The following NDE1 variants were observed in gnomAD, a reference collection of about 807,000 sequenced individuals.
NDE1 encodes the protein nudE neurodevelopment protein 1.
NDE1 carries 28 observed loss-of-function variants against 43.4 expected under a neutral mutation model. The ratio of observed to expected loss-of-function variants is 0.65; its 90% confidence interval spans 0.48 to 0.89. The LOEUF (loss-of-function observed/expected upper bound fraction) is 0.89, where lower values mean the gene tolerates loss of function less well. Among genes scored for constraint, NDE1 ranks in the 40% least tolerant of loss-of-function variants. The probability of loss-of-function intolerance (pLI) is 0.00; values close to 1 mark genes in which losing one functional copy is unlikely to be tolerated. For synonymous variants in NDE1, 184 were observed against 172.0 expected, an observed-to-expected ratio of 1.07 and a Z score of -0.55; for missense variants, 441 against 434.1, an observed-to-expected ratio of 1.02 and a Z score of -0.14.
At chr16:15,659,489 T>C (rs938669657) in intron 1 of NDE1, among the ~76,000 whole-genome samples, 1 of 125,872 alleles carries the variant, frequency 7.9e-6, no homozygotes, top group South Asian at 2.7e-4. Context: ...CAGGCTGGAG[T>C]GCAGTGGTGC....
At chr16:15,697,383 C>CA (rs1485741272) in intron 8 of NDE1, among the ~76,000 whole-genome samples, 1 of 152,106 alleles carries the variant, frequency 6.6e-6, no homozygotes, top group African/African-American at 2.4e-5. Flanking sequence ...AGCTGCTACT[C>CA]ACGGTTACAC....
chr16:15,683,072 C>G (rs543115203), intron 4 of NDE1, among the ~76,000 whole-genome samples: 1 of 151,872 alleles, frequency 6.6e-6, no homozygotes, highest in East Asian at 1.9e-4. Flanking sequence ...GTCTCAAACT[C>G]CTGGATTCAA....
At chr16:15,704,624 A>T (rs1348106722) in intron 8 of NDE1, among the ~76,000 whole-genome samples, 1 of 152,176 alleles carries the variant, frequency 6.6e-6, no homozygotes, top group Admixed American at 6.5e-5. Context: ...AATTGGAAGA[A>T]GGTGAAATGG....
chr16:15,658,863 G>A, intron 1 of NDE1, among the ~76,000 whole-genome samples: 1 of 152,022 alleles, frequency 6.6e-6, no homozygotes, highest in East Asian at 1.9e-4. Flanking sequence ...TACCATGTTG[G>A]CCAAGCTTGT....
intron 3 of NDE1, among the ~76,000 whole-genome samples, chr16:15,671,889 A>C (rs371820465): frequency 2.5e-3 from 377 of 151,824 alleles, no homozygotes; most frequent in African/African-American, 8.7e-3. Context: ...AGACGGGTTC[A>C]TGTGCCCATG....
rs765901795 is a variant in NDE1, at chr16:15,694,254, G to A, written c.793G>A (p.Gly265Arg). 3 of 1,613,360 alleles carry A rather than the reference G, an allele frequency of 1.9e-6. No individual in the cohort carries two copies. The highest frequency in any genetic ancestry group is 2.5e-6 in the Non-Finnish European group (3 of 1,179,830). The change falls in exon 7 of 9, where the codon GGG becomes AGG. Residue 265 changes from glycine (G) to arginine (R), a missense_variant and splice_region_variant. Physicochemically the swap from Gly to Arg is moderately radical, Grantham distance 125. Transcript: ENST00000396354. ...NIVGDLLRKVGALESKLASCR... is the reference protein window; with the variant it reads ...NIVGDLLRKVRALESKLASCR... ...TGTGGGAGACCTACTGCGGAAAGTC[G>A]GGGTAAGACCACACTTTCCTGGCGT...
intron 3 of NDE1, among the ~76,000 whole-genome samples, chr16:15,671,506 A>C (rs1334969614): frequency 6.6e-6 from 1 of 152,052 alleles, no homozygotes; most frequent in Non-Finnish European, 1.5e-5. Flanking sequence ...CAAAAGTTAA[A>C]AAATAAAAAA....
At chr16:15,659,397 G>A (rs921138218) in intron 1 of NDE1, among the ~76,000 whole-genome samples, 7 of 147,084 alleles carry the variant, frequency 4.8e-5, no homozygotes, top group African/African-American at 1.8e-4. Flanking sequence ...AAGTTCTCTT[G>A]AGGGAAGGAA....
intron 1 of NDE1, among the ~76,000 whole-genome samples, chr16:15,659,431 T>C: frequency 8.0e-6 from 1 of 124,522 alleles, no homozygotes; most frequent in Non-Finnish European, 1.7e-5. Context: ...CAATCTTTTT[T>C]TTTTTTTTTT....
intron 1 of NDE1, 148 bp from the exon 2 acceptor site, chr16:15,664,588 C>A: frequency 1.7e-6 from 1 of 589,122 alleles, no homozygotes; most frequent in East Asian, 2.9e-5. Context: ...ATCTCCTGAC[C>A]TCGTGATCCG....
rs575726591 is a variant in NDE1, at chr16:15,710,790, GTC to G, written c.948-13398_948-13397del. On this transcript the variant is annotated intron_variant, in intron 8 of 8. Transcript: ENST00000396354. Reference sequence around the variant, plus strand: ...CTCCTGGGTTGCAAAGGAGTGTCCTGTCTCAGCCTCACGAGTAGCTGGGATTA... The same window carrying G: ...CTCCTGGGTTGCAAAGGAGTGTCCTGTCAGCCTCACGAGTAGCTGGGATTA... Among the ~76,000 whole-genome samples, 3 of 151,972 alleles carry G rather than the reference GTC, an allele frequency of 2.0e-5. No individual in the cohort carries two copies. In the South Asian group the frequency reaches 6.2e-4, roughly 32 times the overall value.
Position 15,677,801 on chromosome 16 carries a change from G to C in NDE1, c.238G>C (p.Glu80Gln). The C allele has an allele frequency of 6.2e-7, 1 of 1,614,112 alleles. No individual in the cohort carries two copies. Among genetic ancestry groups the C allele is most frequent in the Non-Finnish European group, 8.5e-7 (1 of 1,180,018 alleles). Residue 80 changes from glutamate (E) to glutamine (Q), a missense_variant and splice_region_variant, in exon 4 of 9, where the codon GAG (glutamate) becomes CAG (glutamine). Transcript: ENST00000396354. ...RLRMELETIK[E>Q]KFEVQHSEGY... ...ACTCAGTGTCTGTGTTGTCCTTCAG[G>C]AGAAGTTTGAAGTGCAGCACTCTGA...
rs958106417 is a variant in NDE1, at chr16:15,694,458, A to G, written c.795+202A>G. 3.7e-6 allele frequency: 5 copies of G among 1,366,870 alleles called. No individual in the cohort carries two copies. In the Middle Eastern group the frequency reaches 7.6e-4, roughly 209 times the overall value. 84.7% of individuals were successfully genotyped at this position (1,366,870 alleles called of 1,614,324 possible). On this transcript the variant is annotated intron_variant, in intron 7 of 8. Coordinates refer to ENST00000396354, the MANE Select transcript of NDE1 (RefSeq NM_017668.3). ...AATCCTGGGTTCAAGCGATCCTCTC[A>G]CCTTAGCTTCCCGAGGAGCTTGGAC...
At chr16:15,654,855 G>A (rs1827526967) in intron 1 of NDE1, among the ~76,000 whole-genome samples, 1 of 150,578 alleles carries the variant, frequency 6.6e-6, no homozygotes, top group Non-Finnish European at 1.5e-5. Context: ...ACAGCTTAAA[G>A]AAGATAATGT....
intron 7 of NDE1, among the ~76,000 whole-genome samples, chr16:15,695,203 C>CTTTTTTTTTTTT (rs71134451): frequency 3.4e-3 from 273 of 79,382 alleles, no homozygotes; most frequent in East Asian, 4.2e-3. Flanking sequence ...AAACTGCCAC[C>CTTTTTTTTTTTT]TTTTTTTTTT....
At chr16:15,710,622 C>G (rs2039727438) in intron 8 of NDE1, among the ~76,000 whole-genome samples, 1 of 151,820 alleles carries the variant, frequency 6.6e-6, no homozygotes, top group Non-Finnish European at 1.5e-5. Context: ...ATCGCTCAGC[C>G]CAGCCACTCA....
intron 1 of NDE1, among the ~76,000 whole-genome samples, chr16:15,651,051 C>T (rs771860197): frequency 6.6e-6 from 1 of 152,164 alleles, no homozygotes; most frequent in Non-Finnish European, 1.5e-5. Flanking sequence ...GGACCTGAGT[C>T]TCTGAGGTCC....
chr16:15,691,399 G>A (rs1000237717), intron 6 of NDE1, 76 bp downstream of exon 6: 2 of 1,510,530 alleles, frequency 1.3e-6, no homozygotes, highest in Admixed American at 3.8e-5. Flanking sequence ...TGGGTCCTGG[G>A]GGTGTGATGA....
At chr16:15,684,038 C>T (rs2038312078) in intron 4 of NDE1, 1 of 151,960 alleles carries the variant, frequency 6.6e-6, no homozygotes, top group African/African-American at 2.4e-5. Flanking sequence ...GGAGACCAGC[C>T]TGACAAAGAT....
Sources: allele counts gnomAD v4.1 joint callset (sites outside exome capture counted in the v4.1 genomes callset), GRCh38; gene constraint gnomAD v4.1.1; transcripts MANE v1.5; gene names NCBI Gene and HGNC (gene_info 2026-07-23, HGNC 2026-07-21).